MRTO4: variants seen among roughly 807,000 people sequenced by gnomAD.
MRTO4 encodes the protein mRNA turnover protein 4 homolog.
In MRTO4, 7 loss-of-function variants were observed where a neutral mutation model predicts 28.6. The observed-to-expected ratio is 0.24, with a 90% confidence interval of 0.14 to 0.46. The LOEUF is 0.46. Ranked by LOEUF, MRTO4 falls within the 20% of genes least tolerant of loss-of-function variation. The pLI is 0.99. For missense variants in MRTO4, 302 were observed against 298.3 expected (o/e 1.01, Z -0.09); for synonymous variants, 113 against 108.2 (o/e 1.04, Z -0.27).
At position 19,258,570 on chromosome 1, in the gene MRTO4, G is replaced by C; in HGVS notation, c.570+17G>C. 1 of 1,614,022 alleles carries C rather than the reference G, an allele frequency of 6.2e-7. No individual in the cohort carries two copies. The highest frequency in any genetic ancestry group is 8.5e-7 in the Non-Finnish European group (1 of 1,180,034). ...CGCGTCCTGGTGAGTCTGGCGCCTT[G>C]CGGGCTGTTGCGGGCGGGGTTGCTG... On this transcript the variant is annotated intron_variant, in intron 7 of 7. Coordinates refer to ENST00000330263, the MANE Select transcript of MRTO4 (RefSeq NM_016183.4).
chr1:19,252,050 C>T, intron 1 of MRTO4, 187 bp downstream of exon 1: 1 of 839,788 alleles, frequency 1.2e-6, no homozygotes, highest in Non-Finnish European at 1.8e-6. Context: ...TGGCTGACGC[C>T]CGGTCGGGTC....
At chr1:19,252,011 G>T in intron 1 of MRTO4, 148 bp downstream of exon 1, 1 of 1,174,422 alleles carries the variant, frequency 8.5e-7, no homozygotes, top group Non-Finnish European at 1.2e-6. Flanking sequence ...GCTGGAATGG[G>T]GGCTTCGGGG....
At chr1:19,254,458 A>T (rs2093668609) in intron 1 of MRTO4, among the ~76,000 whole-genome samples, 1 of 151,938 alleles carries the variant, frequency 6.6e-6, no homozygotes, top group East Asian at 1.9e-4. Flanking sequence ...CACTGAGAGC[A>T]CTTCTAGCAG....
chr1:19,257,040 A>C, intron 3 of MRTO4, 24 bp from the exon 4 acceptor site: 1 of 1,612,002 alleles, frequency 6.2e-7, no homozygotes, highest in East Asian at 2.2e-5. Flanking sequence ...TCCTTCACAG[A>C]ATGCTCTTTC....
rs756442210 is a variant in MRTO4 at position 19,254,846 on chromosome 1, A to G, written c.87+6A>G. On this transcript the variant is annotated splice_donor_region_variant and intron_variant, in intron 2 of 7. Transcript: ENST00000330263. The stretch of plus-strand genomic sequence containing the variant: ...AACAAAACCTGATAGAAGAGGTAAG[A>G]GGTTGTTCTTTTCTAGAGCTTGCAA... The G allele has an allele frequency of 1.9e-6, 3 of 1,604,682 alleles. No individual in the cohort carries two copies. Among genetic ancestry groups the G allele is most frequent in the Non-Finnish European group, 2.5e-6 (3 of 1,176,628 alleles).
intron 3 of MRTO4, 105 bp from the exon 4 acceptor site, chr1:19,256,959 G>T: frequency 8.9e-7 from 1 of 1,121,488 alleles, no homozygotes; most frequent in South Asian, 1.4e-5. Flanking sequence ...CACTGGCTCA[G>T]CCTGGGCCTG....
chr1:19,259,807 C>T lies in MRTO4; in HGVS notation c.*977C>T, dbSNP rs1477908787. 1 of 152,268 alleles carries T rather than the reference C, an allele frequency of 6.6e-6. No individual in the cohort carries two copies. Among genetic ancestry groups the T allele is most frequent in the Non-Finnish European group, 1.5e-5 (1 of 68,060 alleles). The allele number at this position is 152,268 out of a possible 1,614,324, so 9.4% of individuals were successfully genotyped here. ...CCTTGGGCTGAGAGTGACATCACTGCAAGAGTTGAGAGCCAGCGTCTAAAG... is the reference window on the plus strand; with the variant it reads ...CCTTGGGCTGAGAGTGACATCACTGTAAGAGTTGAGAGCCAGCGTCTAAAG... On this transcript the variant is annotated 3_prime_UTR_variant, in exon 8 of 8. Coordinates refer to ENST00000330263, the MANE Select transcript of MRTO4 (RefSeq NM_016183.4).
At chr1:19,255,071 CTG>C (rs1487519140) in intron 2 of MRTO4, among the ~76,000 whole-genome samples, 1 of 152,142 alleles carries the variant, frequency 6.6e-6, no homozygotes, top group Non-Finnish European at 1.5e-5. Flanking sequence ...CTGTCCTGCA[CTG>C]TGTTTCTTAT....
chr1:19,257,512 A>T lies in MRTO4; in HGVS notation c.332A>T (p.Glu111Val). Residue 111 changes from glutamate (E) to valine (V), a missense_variant, in exon 5 of 8, where the codon GAG (glutamate) becomes GTG (valine). Transcript: ENST00000330263. The part of the protein sequence containing the change: ...GLLFTNRTKE[E>V]VNEWFTKYTE... Reference sequence around the variant, plus strand: ...CTGTTCACCAACCGCACAAAGGAGGAGGTGAATGAGTAAGTACTGCTGAGG... The same window carrying T: ...CTGTTCACCAACCGCACAAAGGAGGTGGTGAATGAGTAAGTACTGCTGAGG... 1.9e-6 allele frequency: 3 copies of T among 1,614,144 alleles called. No individual in the cohort carries two copies. Among genetic ancestry groups the T allele is most frequent in the Non-Finnish European group, 2.5e-6 (3 of 1,179,996 alleles).
chr1:19,257,691 G>C (rs1196756040), intron 5 of MRTO4, 142 bp from the exon 6 acceptor site: 1 of 1,370,098 alleles, frequency 7.3e-7, no homozygotes, highest in African/African-American at 1.4e-5. Context: ...CTCCAGCATG[G>C]TGCTCTGGGC....
At chr1:19,252,031 C>G in intron 1 of MRTO4, 168 bp downstream of exon 1, 1 of 995,736 alleles carries the variant, frequency 1.0e-6, no homozygotes, top group East Asian at 2.7e-5. Context: ...GCTGTAAAAC[C>G]GCCAGAGGTG....
Position 19,251,868 on chromosome 1 carries a change from G to A in MRTO4, c.28+5G>A. 1 of 1,591,946 alleles carries A rather than the reference G, an allele frequency of 6.3e-7. No individual in the cohort carries two copies. The highest frequency in any genetic ancestry group is 8.5e-7 in the Non-Finnish European group (1 of 1,169,848). Reference sequence around the variant, plus strand: ...AATCCAAGCGCGACAAGAAAGGTGGGCGAAGGGGGAGTCGGGACCCTGGGG... The same window carrying A: ...AATCCAAGCGCGACAAGAAAGGTGGACGAAGGGGGAGTCGGGACCCTGGGG... On this transcript the variant is annotated splice_donor_5th_base_variant and intron_variant, in intron 1 of 7. Coordinates refer to ENST00000330263, the MANE Select transcript of MRTO4 (RefSeq NM_016183.4).
At chr1:19,252,509 C>T (rs556750920) in intron 1 of MRTO4, among the ~76,000 whole-genome samples, 21 of 152,156 alleles carry the variant, frequency 1.4e-4, no homozygotes, top group Non-Finnish European at 2.6e-4. Context: ...ACCAGCCTGG[C>T]CAATATGGTG....
intron 1 of MRTO4, 92 bp from the exon 2 acceptor site, chr1:19,254,690 C>G: frequency 1.9e-6 from 2 of 1,053,182 alleles, no homozygotes; most frequent in Non-Finnish European, 1.5e-6. Flanking sequence ...CTGCATCCAG[C>G]TGAGTGCTCT....
rs752037348 is a variant in MRTO4 at position 19,257,558 on chromosome 1, TGA to T, written c.341+41_341+42del. ...TGAGGAACGGAGGGAAAGAGGCGGG[TGA>T]GAGGGGATTTCAGGGAGGGAATGAT... On this transcript the variant is annotated intron_variant, in intron 5 of 7. Transcript: ENST00000330263. 9.9e-6 allele frequency: 16 copies of T among 1,608,900 alleles called. No homozygotes were observed. In the African/African-American group the frequency reaches 1.2e-4, roughly 12 times the overall value.
intron 6 of MRTO4, 130 bp from the exon 7 acceptor site, chr1:19,258,347 C>A: frequency 8.9e-7 from 1 of 1,119,862 alleles, no homozygotes; most frequent in South Asian, 1.3e-5. Flanking sequence ...GGGAGACAGC[C>A]ACTGCCCAGT....
At position 19,257,371 on chromosome 1, in the gene MRTO4, A is replaced by C; in HGVS notation, c.274-83A>C. 4.6e-6 allele frequency: 7 copies of C among 1,513,112 alleles called. No homozygotes were observed. The South Asian group carries it at 7.9e-5, about 17-fold the overall frequency. 93.7% of individuals were successfully genotyped at this position (1,513,112 alleles called of 1,614,324 possible). A position where few individuals can be genotyped will look rare whatever the true frequency, so the allele number is the denominator to read the frequency against. ...ACCAAAAACGTCTTTAAATGTTGCC[A>C]AATGTACCCGGTGAGCAAAAACGTG... is the stretch of plus-strand genomic sequence containing the variant. On this transcript the variant is annotated intron_variant, in intron 4 of 7. Transcript: ENST00000330263.
At chr1:19,257,042 T>C (rs1157377507) in intron 3 of MRTO4, 22 bp from the exon 4 acceptor site, 1 of 1,612,406 alleles carries the variant, frequency 6.2e-7, no homozygotes, top group South Asian at 1.1e-5. Flanking sequence ...CTTCACAGAA[T>C]GCTCTTTCTC....
intron 2 of MRTO4, 67 bp downstream of exon 2, chr1:19,254,907 G>A (rs2151972641): frequency 7.2e-7 from 1 of 1,385,072 alleles, no homozygotes. Flanking sequence ...AGGACTGTTG[G>A]CCAGGGATAG....
Sources: allele counts gnomAD v4.1 joint callset (sites outside exome capture counted in the v4.1 genomes callset), GRCh38; gene constraint gnomAD v4.1.1; transcripts MANE v1.5; gene names NCBI Gene and HGNC (gene_info 2026-07-23, HGNC 2026-07-21).